Variants in STAG1 observed in about 807,000 individuals in gnomAD.
STAG1 encodes cohesin subunit SA-1.
A neutral mutation model predicts 170.9 loss-of-function variants in STAG1; 26 were observed. The ratio of observed to expected loss-of-function variants is 0.15; its 90% CI spans 0.11 to 0.21. STAG1 has a LOEUF of 0.21. Ranked by LOEUF, STAG1 falls within the 10% of genes least tolerant of loss-of-function variation. The pLI, the probability that STAG1 is intolerant of heterozygous loss-of-function variation, is 1.00. For synonymous variants in STAG1, 514 were observed against 497.7 expected (o/e 1.03, Z -0.44); for missense variants, 964 against 1,509.5 (o/e 0.64, Z 5.99).
At chr3:136,377,280 G>C in intron 23 of STAG1, among the ~76,000 whole-genome samples, 1 of 145,942 alleles carries the variant, frequency 6.9e-6, no homozygotes, top group Non-Finnish European at 1.5e-5. Context: ...CCAGCTACTC[G>C]GGAGGCTGAG....
intron 14 of STAG1, among the ~76,000 whole-genome samples, chr3:136,448,621 A>G (rs1007721421): frequency 2.6e-5 from 4 of 152,118 alleles, no homozygotes; most frequent in African/African-American, 4.8e-5. Context: ...GGGCCAAACC[A>G]TATCAGTCTG....
chr3:136,392,639 G>A (rs867022829), intron 22 of STAG1, among the ~76,000 whole-genome samples: 79 of 151,808 alleles, frequency 5.2e-4, no homozygotes, highest in Non-Finnish European at 3.4e-4. Context: ...GGTGGCATGC[G>A]CCTGTAGTCC....
chr3:136,713,029 T>C (rs988166762), intron 1 of STAG1, among the ~76,000 whole-genome samples: 2 of 151,084 alleles, frequency 1.3e-5, no homozygotes, highest in Non-Finnish European at 3.0e-5. Context: ...GAGGCAGAGG[T>C]TGCAGTGAGC....
In STAG1 at chr3:136,349,177, A is replaced by C; in HGVS notation, c.3252T>G (p.Leu1084=). 6.2e-7 allele frequency: 1 copy of C among 1,613,934 alleles called. No individual in the cohort carries two copies. Among genetic ancestry groups the C allele is most frequent in the Non-Finnish European group, 8.5e-7 (1 of 1,179,882 alleles). ...SVRNKKGRPP[L]HKKRVEDESL... ...ACTTACCTTCTACTCGTTTTTTATG[A>C]AGTGGAGGTCGTCCTTTCTTATTCC... The change falls in exon 29 of 34, where the codon CTT becomes CTG. Residue 1084 remains leucine (L), a synonymous_variant. Transcript: ENST00000383202.
At chr3:136,365,952 G>C (rs567626501) in intron 25 of STAG1, among the ~76,000 whole-genome samples, 5 of 151,554 alleles carry the variant, frequency 3.3e-5, no homozygotes, top group Non-Finnish European at 7.4e-5. Flanking sequence ...TGCTCATCTA[G>C]TAAGCTCCTA....
intron 21 of STAG1, among the ~76,000 whole-genome samples, chr3:136,403,796 G>C (rs1044212609): frequency 2.0e-5 from 3 of 152,000 alleles, no homozygotes; most frequent in Non-Finnish European, 4.4e-5. Flanking sequence ...TCTTGTCAGG[G>C]GTTATGAGGG....
chr3:136,470,144 T>A (rs968422413), intron 12 of STAG1, among the ~76,000 whole-genome samples: 1 of 152,158 alleles, frequency 6.6e-6, no homozygotes, highest in Non-Finnish European at 1.5e-5. Context: ...TGGGATCCAA[T>A]TAACCTAAAG....
intron 1 of STAG1, among the ~76,000 whole-genome samples, chr3:136,687,949 A>G (rs1942592461): frequency 6.6e-6 from 1 of 151,936 alleles, no homozygotes; most frequent in African/African-American, 2.4e-5. Context: ...GTTAGCCAGG[A>G]TGGTCTCAAA....
chr3:136,504,239 T>C (rs1273125311), intron 7 of STAG1, among the ~76,000 whole-genome samples: 1 of 152,168 alleles, frequency 6.6e-6, no homozygotes, highest in Non-Finnish European at 1.5e-5. Context: ...GAAAAACAAA[T>C]GTAAACATCC....
intron 1 of STAG1, among the ~76,000 whole-genome samples, chr3:136,702,107 G>GAC (rs1289906083): frequency 4.6e-3 from 385 of 84,140 alleles, no homozygotes; most frequent in Middle Eastern, 0.018. Flanking sequence ...GAGAGAGAGA[G>GAC]AGAGAGAGAG....
At chr3:136,399,705 G>A (rs1198993339) in intron 21 of STAG1, among the ~76,000 whole-genome samples, 1 of 152,064 alleles carries the variant, frequency 6.6e-6, no homozygotes, top group African/African-American at 2.4e-5. Flanking sequence ...CACTCTGCAT[G>A]CATTTTTCTA....
chr3:136,467,666 A>C (rs560840312), intron 12 of STAG1, among the ~76,000 whole-genome samples: 1 of 152,338 alleles, frequency 6.6e-6, no homozygotes, highest in East Asian at 1.9e-4. Flanking sequence ...GAATGAACAG[A>C]CATCTACAGA....
In STAG1 at chr3:136,377,406, G is replaced by A. The variant is rs1359552319; in HGVS notation, c.2370+254C>T. Among the ~76,000 whole-genome samples, 268 of 27,624 alleles carry A rather than the reference G, an allele frequency of 9.7e-3. 4 individuals are homozygous for A. Among genetic ancestry groups the A allele is most frequent in the Middle Eastern group, 0.017 (1 of 58 alleles). The allele number at this position is 27,624 out of a possible 152,430, so 18.1% of individuals were successfully genotyped here. A position where few individuals can be genotyped will look rare whatever the true frequency, so the allele number is the denominator to read the frequency against. On this transcript the variant is annotated intron_variant, in intron 23 of 33. Transcript: ENST00000383202. ...TGTCTCAAAAAAAAAAAAAAAAAAA[G>A]TCTACATTTCAACCTGCCCTTCCAG...
chr3:136,457,594 T>C (rs1409094686), intron 13 of STAG1, among the ~76,000 whole-genome samples: 1 of 152,124 alleles, frequency 6.6e-6, no homozygotes, highest in Non-Finnish European at 1.5e-5. Context: ...TTGTCTTTTC[T>C]CATTCCTTTG....
intron 4 of STAG1, among the ~76,000 whole-genome samples, chr3:136,573,360 A>G (rs1207050958): frequency 6.6e-6 from 1 of 152,192 alleles, no homozygotes; most frequent in Non-Finnish European, 1.5e-5. Context: ...AATTTGTTTT[A>G]GAAATCACAT....
chr3:136,671,488 T>A (rs1054700989), intron 1 of STAG1, among the ~76,000 whole-genome samples: 3 of 152,148 alleles, frequency 2.0e-5, no homozygotes, highest in Non-Finnish European at 4.4e-5. Context: ...TGCGAGATTA[T>A]CTCTAGATAA....
intron 3 of STAG1, among the ~76,000 whole-genome samples, chr3:136,615,067 A>G (rs2107821206): frequency 6.6e-6 from 1 of 152,308 alleles, no homozygotes; most frequent in South Asian, 2.1e-4. Context: ...TAGTACCGAG[A>G]AGCAGGAAAA....
chr3:136,699,233 A>G (rs1942979385), intron 1 of STAG1, among the ~76,000 whole-genome samples: 1 of 152,154 alleles, frequency 6.6e-6, no homozygotes, highest in Non-Finnish European at 1.5e-5. Flanking sequence ...AAAAGAAAGA[A>G]TGACTTCCTT....
At chr3:136,379,163 C>G (rs962256589) in intron 22 of STAG1, among the ~76,000 whole-genome samples, 1 of 152,080 alleles carries the variant, frequency 6.6e-6, no homozygotes, top group Non-Finnish European at 1.5e-5. Flanking sequence ...TAAACTTCAA[C>G]ATTCCTGAAA....
Sources: allele counts gnomAD v4.1 joint callset (sites outside exome capture counted in the v4.1 genomes callset), GRCh38; gene constraint gnomAD v4.1.1; transcripts MANE v1.5; gene names NCBI Gene and HGNC (gene_info 2026-07-23, HGNC 2026-07-21).